Variants in PARN observed in about 807,000 individuals in gnomAD.
PARN encodes poly(A)-specific ribonuclease.
A neutral mutation model predicts 102.8 loss-of-function variants in PARN; 71 were observed. The ratio of observed to expected loss-of-function variants is 0.69; its 90% CI spans 0.57 to 0.84. The LOEUF (loss-of-function observed/expected upper bound fraction) is 0.84. Ranked by LOEUF, PARN falls within the 40% of genes least tolerant of loss-of-function variation. The pLI is 0.00. For synonymous variants in PARN, 261 were observed against 252.9 expected, an observed-to-expected ratio of 1.03 and a Z score of -0.30; for missense variants, 782 against 760.9, an observed-to-expected ratio of 1.03 and a Z score of -0.33.
intron 21 of PARN, among the ~76,000 whole-genome samples, chr16:14,493,527 T>C (rs900881748): frequency 6.6e-6 from 1 of 152,140 alleles, no homozygotes; most frequent in Non-Finnish European, 1.5e-5. Flanking sequence ...TCTCATTCAA[T>C]AAACACTGGC....
At chr16:14,440,898 G>C (rs902419067) in intron 23 of PARN, among the ~76,000 whole-genome samples, 22 of 152,244 alleles carry the variant, frequency 1.4e-4, no homozygotes, top group Middle Eastern at 3.4e-3. Flanking sequence ...GGAAATTTCT[G>C]GAGTGATGGA....
Sources: gnomAD v4.1 joint callset for allele counts (sites outside exome capture counted in the v4.1 genomes callset) on GRCh38, gnomAD v4.1.1 for gene constraint, MANE v1.5 for transcripts, NCBI Gene and HGNC (gene_info 2026-07-23, HGNC 2026-07-21) for gene names.